FGD2: variants seen among roughly 807,000 people sequenced by gnomAD.
FGD2 encodes the protein FYVE, RhoGEF and PH domain-containing protein 2.
In FGD2, 52 loss-of-function variants were observed where a neutral mutation model predicts 75.9. That is an observed-to-expected ratio of 0.69 (90% CI 0.55 to 0.86). The LOEUF is 0.86. Ranked by LOEUF, FGD2 falls within the 40% of genes least tolerant of loss-of-function variation. The pLI, the probability that FGD2 is intolerant of heterozygous loss-of-function variation, is 0.00. For missense variants in FGD2, 790 were observed against 872.0 expected, an observed-to-expected ratio of 0.91 and a Z score of 1.18; for synonymous variants, 347 against 348.6, an observed-to-expected ratio of 1.00 and a Z score of 0.05.
At chr6:37,007,062 T>C (rs954134034) in intron 1 of FGD2, among the ~76,000 whole-genome samples, 10 of 151,998 alleles carry the variant, frequency 6.6e-5, no homozygotes, top group Non-Finnish European at 5.9e-5. Flanking sequence ...CTGGTGGGGA[T>C]GGTGTGGGGA....
In FGD2 at chr6:37,027,743, T is replaced by G. The variant is rs145844316; in HGVS notation, c.1752+168T>G. ...TCAAGGTTGGTAGGTTTCAGAATTG[T>G]GCCCTGACTCTAGGTCACCACTGCT... On this transcript the variant is annotated intron_variant, in intron 15 of 15. Coordinates refer to ENST00000274963, the MANE Select transcript of FGD2 (RefSeq NM_173558.4). 1,020 of 1,070,526 alleles carry G rather than the reference T, an allele frequency of 9.5e-4. 4 individuals are homozygous for G. The African/African-American group carries it at 0.014, about 15-fold the overall frequency. The allele number at this position is 1,070,526 out of a possible 1,614,324, so 66.3% of individuals were successfully genotyped here. A position where few individuals can be genotyped will look rare whatever the true frequency, so the allele number is the denominator to read the frequency against.
chr6:37,020,546 G>C lies in FGD2; in HGVS notation c.1128G>C (p.Arg376=). 6.2e-7 allele frequency: 1 copy of C among 1,606,018 alleles called. No homozygotes were observed. The highest frequency in any genetic ancestry group is 8.5e-7 in the Non-Finnish European group (1 of 1,177,412). The change falls in exon 10 of 16, where the codon CGG becomes CGC. Residue 376 remains arginine (R), a synonymous_variant. Coordinates refer to ENST00000274963, the MANE Select transcript of FGD2 (RefSeq NM_173558.4). Reference sequence around the variant, plus strand: ...TGCCTCCCTCCTCTTGGCAGGTGCGGGAGCTGATGGATGCTGAGTTTCCCC... The same window carrying C: ...TGCCTCCCTCCTCTTGGCAGGTGCGCGAGCTGATGGATGCTGAGTTTCCCC... The part of the protein sequence containing the change: ...TRIDVAGMKV[R]ELMDAEFPHS...
intron 9 of FGD2, among the ~76,000 whole-genome samples, chr6:37,016,367 GA>G (rs1189443865): frequency 6.6e-6 from 1 of 152,126 alleles, no homozygotes; most frequent in Non-Finnish European, 1.5e-5. Context: ...TTTTGAGTAG[GA>G]AAGGTCTCCA....
chr6:37,010,983 A>G lies in FGD2; in HGVS notation c.311A>G (p.Lys104Arg). 6.2e-7 allele frequency: 1 copy of G among 1,614,158 alleles called. No homozygotes were observed. Among genetic ancestry groups the G allele is most frequent in the Non-Finnish European group, 8.5e-7 (1 of 1,180,010 alleles). Residue 104 changes from lysine (K) to arginine (R), a missense_variant, in exon 3 of 16, where the codon AAG becomes AGG. Coordinates refer to ENST00000274963, the MANE Select transcript of FGD2 (RefSeq NM_173558.4). ...TCCAATCCTCCGCAGGAGCCAGAGAAGAAGATCGTCCAGGAGCTGCTGGAG... is the reference window on the plus strand; with the variant it reads ...TCCAATCCTCCGCAGGAGCCAGAGAGGAAGATCGTCCAGGAGCTGCTGGAG... ...LSGSGTQEPE[K>R]KIVQELLETE...
chr6:37,028,335 C>A lies in FGD2; in HGVS notation c.*172C>A, dbSNP rs1765930343. On this transcript the variant is annotated 3_prime_UTR_variant, in exon 16 of 16. Transcript: ENST00000274963. The stretch of plus-strand genomic sequence containing the variant: ...CGATCTGGGATTAGAAAATATGGGT[C>A]CATTCCTTTCTAGAAAGGGGACAAC... 4 of 622,430 alleles carry A rather than the reference C, an allele frequency of 6.4e-6. No homozygotes were observed. The East Asian group carries it at 8.5e-5, about 13-fold the overall frequency. 38.6% of individuals were successfully genotyped at this position (622,430 alleles called of 1,614,324 possible). A position where few individuals can be genotyped will look rare whatever the true frequency, so the allele number is the denominator to read the frequency against.
In FGD2 at chr6:37,014,848, G is replaced by A. The variant is rs746380143; in HGVS notation, c.883-44G>A. The A allele has an allele frequency of 7.5e-6, 12 of 1,610,550 alleles. No homozygotes were observed. In the African/African-American group the frequency reaches 1.2e-4, roughly 16 times the overall value. The stretch of plus-strand genomic sequence containing the variant: ...CAAGGCAAGCCTTCCAGAAGCAGGT[G>A]AGCCCTGCCCAGACTTGGCTGAGGA... On this transcript the variant is annotated intron_variant, in intron 7 of 15. Transcript: ENST00000274963.
At chr6:37,011,630 G>A in intron 3 of FGD2, 76 bp from the exon 4 acceptor site, 3 of 1,591,748 alleles carry the variant, frequency 1.9e-6, no homozygotes, top group Non-Finnish European at 2.6e-6. Context: ...AGGCTTGGTG[G>A]GACCCTAGTT....
intron 2 of FGD2, 31 bp from the exon 3 acceptor site, chr6:37,010,942 T>C: frequency 1.2e-6 from 2 of 1,609,066 alleles, no homozygotes; most frequent in Non-Finnish European, 1.7e-6. Flanking sequence ...TTCCCCCTTT[T>C]TCTCCTTCTC....
intron 13 of FGD2, chr6:37,022,799 G>A: frequency 5.7e-6 from 1 of 175,850 alleles, no homozygotes; most frequent in Non-Finnish European, 1.2e-5. Context: ...CAAATCTGCT[G>A]GCTTCAACCA....
At chr6:37,024,267 G>C (rs182451009) in intron 13 of FGD2, 1 of 152,214 alleles carries the variant, frequency 6.6e-6, no homozygotes, top group Admixed American at 6.5e-5. Flanking sequence ...TTGAACCCAG[G>C]AGGTGGAGGT....
In FGD2 at chr6:37,028,400, G is replaced by C. The variant is rs1035354585; in HGVS notation, c.*237G>C. On this transcript the variant is annotated 3_prime_UTR_variant, in exon 16 of 16. Coordinates refer to ENST00000274963, the MANE Select transcript of FGD2 (RefSeq NM_173558.4). ...TGCCTTGCGGGGAGGGGGCTCCTGGGCCATGGGACTTCCAGTGCTAAAACT... is the reference window on the plus strand; with the variant it reads ...TGCCTTGCGGGGAGGGGGCTCCTGGCCCATGGGACTTCCAGTGCTAAAACT... 1.2e-5 allele frequency: 6 copies of C among 489,658 alleles called. No individual in the cohort carries two copies. The highest frequency in any genetic ancestry group is 2.2e-5 in the Non-Finnish European group (6 of 275,668). 30.3% of individuals were successfully genotyped at this position (489,658 alleles called of 1,614,324 possible).
chr6:37,015,984 A>G, intron 9 of FGD2, 124 bp downstream of exon 9: 1 of 851,518 alleles, frequency 1.2e-6, no homozygotes, highest in Non-Finnish European at 1.8e-6. Context: ...CTGGGCAAAC[A>G]TGGAGATGGA....
Position 37,028,357 on chromosome 6 carries a change from C to A in FGD2, c.*194C>A. 1 of 559,076 alleles carries A rather than the reference C, an allele frequency of 1.8e-6. No homozygotes were observed. Among genetic ancestry groups the A allele is most frequent in the Non-Finnish European group, 3.1e-6 (1 of 325,892 alleles). 34.6% of individuals were successfully genotyped at this position (559,076 alleles called of 1,614,324 possible). A position where few individuals can be genotyped will look rare whatever the true frequency, so the allele number is the denominator to read the frequency against. On this transcript the variant is annotated 3_prime_UTR_variant, in exon 16 of 16. Transcript: ENST00000274963. ...GGTCCATTCCTTTCTAGAAAGGGGA[C>A]AACCAAGTGTCTCAGTTTGCCTTGC...
In FGD2 at chr6:37,013,841, G is replaced by A. The variant is rs567477782; in HGVS notation, c.684+76G>A. ...GGCTCAGGTTGCCTTGAGTGATTCCGGGCATCTCCCAGGCTCAGCTGCTTC... is the reference window on the plus strand; with the variant it reads ...GGCTCAGGTTGCCTTGAGTGATTCCAGGCATCTCCCAGGCTCAGCTGCTTC... On this transcript the variant is annotated intron_variant, in intron 5 of 15. Coordinates refer to ENST00000274963, the MANE Select transcript of FGD2 (RefSeq NM_173558.4). 474 of 1,592,180 alleles carry A rather than the reference G, an allele frequency of 3.0e-4. 1 individual carries two copies. Among genetic ancestry groups the A allele is most frequent in the Admixed American group, 1.3e-3 (78 of 58,800 alleles).
At chr6:37,010,619 G>A (rs1360709222) in intron 2 of FGD2, among the ~76,000 whole-genome samples, 1 of 152,194 alleles carries the variant, frequency 6.6e-6, no homozygotes, top group Non-Finnish European at 1.5e-5. Flanking sequence ...TGCTGGCAGG[G>A]CTGGGCTCTT....
chr6:37,027,277 C>T, intron 14 of FGD2, 152 bp from the exon 15 acceptor site: 2 of 850,140 alleles, frequency 2.4e-6, no homozygotes, highest in Non-Finnish European at 3.5e-6. Flanking sequence ...TGACCACAGG[C>T]ACTTGATGGG....
chr6:37,018,762 G>A (rs187843547), intron 9 of FGD2, among the ~76,000 whole-genome samples: 6 of 152,360 alleles, frequency 3.9e-5, no homozygotes, highest in South Asian at 2.1e-4. Flanking sequence ...AGAATTGTCC[G>A]GCAGATGGCA....
Position 37,027,450 on chromosome 6 carries a change from G to T in FGD2, c.1627G>T (p.Asp543Tyr). The T allele has an allele frequency of 6.2e-7, 1 of 1,612,538 alleles. No homozygotes were observed. Among genetic ancestry groups the T allele is most frequent in the Non-Finnish European group, 8.5e-7 (1 of 1,178,812 alleles). Residue 543 changes from aspartate to tyrosine, a missense_variant, in exon 15 of 16, where the codon GAC becomes TAC. Asp to Tyr is a radical substitution (Grantham distance 160, BLOSUM62 -3). Coordinates refer to ENST00000274963, the MANE Select transcript of FGD2 (RefSeq NM_173558.4). ...ILEKGSSATPDQSLMCSFLQL... is the reference protein window; with the variant it reads ...ILEKGSSATPYQSLMCSFLQL... Reference sequence around the variant, plus strand: ...TTAGAAAGGGTCCTCAGCCACGCCTGACCAGAGCCTGATGTGCAGCTTCCT... The same window carrying T: ...TTAGAAAGGGTCCTCAGCCACGCCTTACCAGAGCCTGATGTGCAGCTTCCT...
At chr6:37,016,082 G>C (rs1432210202) in intron 9 of FGD2, among the ~76,000 whole-genome samples, 2 of 152,120 alleles carry the variant, frequency 1.3e-5, no homozygotes, top group Non-Finnish European at 2.9e-5. Flanking sequence ...CTTCGCGGCA[G>C]TGCATGAGCC....
Sources: gnomAD v4.1 joint callset for allele counts (sites outside exome capture counted in the v4.1 genomes callset) on GRCh38, gnomAD v4.1.1 for gene constraint, MANE v1.5 for transcripts, NCBI Gene and HGNC (gene_info 2026-07-23, HGNC 2026-07-21) for gene names.